The following CSMD1 variants were observed in gnomAD, a reference collection of about 807,000 sequenced individuals.
CSMD1 encodes CUB and Sushi multiple domains 1.
Under a neutral mutation model 417.5 loss-of-function variants are expected in CSMD1, and 213 were observed. That is an observed-to-expected ratio of 0.51 (90% CI 0.46 to 0.57). The LOEUF (loss-of-function observed/expected upper bound fraction) is 0.57, where lower values mean the gene tolerates loss of function less well. CSMD1 is among the 20% of genes least tolerant of loss of function. CSMD1 has a pLI of 0.00. For synonymous variants in CSMD1, 2,862 were observed against 1,736.8 expected (o/e 1.65, Z -16.11); for missense variants, 6,923 against 4,529.7 (o/e 1.53, Z -15.17).
chr8:3,898,431 G>A (rs1187419534), intron 5 of CSMD1, among the ~76,000 whole-genome samples: 1 of 152,308 alleles, frequency 6.6e-6, no homozygotes, highest in Non-Finnish European at 1.5e-5. Flanking sequence ...TAAAGTTTGT[G>A]TGACATGTCA....
At chr8:3,547,518 T>A (rs10094555) in intron 10 of CSMD1, among the ~76,000 whole-genome samples, 68,625 of 151,986 alleles carry the variant, frequency 0.45, 15,812 homozygotes, top group East Asian at 0.53. Flanking sequence ...TGATCACGTC[T>A]CTCAAATAAG....
chr8:3,631,759 C>G (rs1796794784), intron 7 of CSMD1, among the ~76,000 whole-genome samples: 1 of 152,196 alleles, frequency 6.6e-6, no homozygotes, highest in South Asian at 2.1e-4. Flanking sequence ...ATAAAGCGCT[C>G]TCAAAGGATT....
Position 3,331,237 on chromosome 8 carries a change from C to CAAAAAAAAAAAA in CSMD1, c.3631+12045_3631+12056dup, listed in dbSNP as rs112278319. Among the ~76,000 whole-genome samples the CAAAAAAAAAAAA allele has an allele frequency of 1.7e-4, 22 of 128,514 alleles. 1 individual carries two copies. The highest frequency in any genetic ancestry group is 6.4e-4 in the African/African-American group (20 of 31,362). 84.3% of individuals were successfully genotyped at this position (128,514 alleles called of 152,430 possible). On this transcript the variant is annotated intron_variant, in intron 23 of 69. Coordinates refer to ENST00000635120, the MANE Select transcript of CSMD1 (RefSeq NM_033225.6). ...TGGCCGACAGAACGAGACTCCGTCT[C>CAAAAAAAAAAAA]AAAAAAAAAAAAAAAGAAAAGCAAC...
rs190118515 is a variant in CSMD1, at chr8:3,526,283, A to C, written c.1345-32557T>G. Among the ~76,000 whole-genome samples, 198 of 152,244 alleles carry C rather than the reference A, an allele frequency of 1.3e-3. 1 individual carries two copies. Among genetic ancestry groups the C allele is most frequent in the Non-Finnish European group, 2.5e-3 (169 of 68,032 alleles). On this transcript the variant is annotated intron_variant, in intron 10 of 69. Transcript: ENST00000635120. ...AAATATAAAGCTACCAAAAGAAAAG[A>C]AAAGCAAATAGATATAGGCAATGTT...
chr8:4,588,976 T>G (rs984244028), intron 2 of CSMD1, among the ~76,000 whole-genome samples: 1 of 152,136 alleles, frequency 6.6e-6, no homozygotes, highest in African/African-American at 2.4e-5. Context: ...TACAATATAC[T>G]ATATATAATA....
Position 3,933,114 on chromosome 8 carries a change from G to T in CSMD1, c.818+64789C>A, listed in dbSNP as rs894247196. ...CATTATTTTCCTCTTTATATATCTGGTTTATATATTTTGATTTTTACCAAT... is the reference window on the plus strand; with the variant it reads ...CATTATTTTCCTCTTTATATATCTGTTTTATATATTTTGATTTTTACCAAT... On this transcript the variant is annotated intron_variant, in intron 5 of 69. Transcript: ENST00000635120. 2.3e-4 allele frequency among the ~76,000 whole-genome samples: 32 copies of T among 139,852 alleles called. 2 individuals carry two copies. Among genetic ancestry groups the T allele is most frequent in the African/African-American group, 8.5e-4 (32 of 37,528 alleles). 91.7% of individuals were successfully genotyped at this position (139,852 alleles called of 152,430 possible). A position where few individuals can be genotyped will look rare whatever the true frequency, so the allele number is the denominator to read the frequency against.
chr8:2,968,365 T>C (rs1804152328), intron 57 of CSMD1, among the ~76,000 whole-genome samples: 1 of 152,236 alleles, frequency 6.6e-6, no homozygotes, highest in Non-Finnish European at 1.5e-5. Flanking sequence ...ACATTTGCTA[T>C]TCAATTGTAT....
chr8:4,705,325 A>C (rs996393759), intron 1 of CSMD1, among the ~76,000 whole-genome samples: 1 of 152,154 alleles, frequency 6.6e-6, no homozygotes, highest in African/African-American at 2.4e-5. Context: ...TCTATGTTCT[A>C]GAGACTCCAT....
intron 7 of CSMD1, 104 bp from the exon 8 acceptor site, chr8:3,616,901 TA>T: frequency 1.5e-6 from 1 of 684,624 alleles, no homozygotes. Flanking sequence ...GATAATGACT[TA>T]AAATGTGATC....
chr8:3,093,576 G>A (rs1228200866), intron 47 of CSMD1, among the ~76,000 whole-genome samples: 2 of 152,092 alleles, frequency 1.3e-5, no homozygotes, highest in African/African-American at 4.8e-5. Context: ...GCTGAGGCAG[G>A]AAAATTGCTT....
intron 54 of CSMD1, among the ~76,000 whole-genome samples, chr8:2,988,303 G>C (rs542539042): frequency 2.6e-5 from 4 of 151,776 alleles, no homozygotes; most frequent in Admixed American, 1.3e-4. Flanking sequence ...AGCATATCTG[G>C]ACACATGTTT....
chr8:3,406,296 C>A (rs1268190382), intron 14 of CSMD1, 75 bp from the exon 15 acceptor site: 2 of 1,234,352 alleles, frequency 1.6e-6, no homozygotes, highest in East Asian at 5.1e-5. Flanking sequence ...AAGAAGAAAA[C>A]AGAACAAGCT....
chr8:4,293,670 A>G (rs1283534939), intron 3 of CSMD1, among the ~76,000 whole-genome samples: 2 of 152,190 alleles, frequency 1.3e-5, no homozygotes, highest in Non-Finnish European at 2.9e-5. Flanking sequence ...ACCAATAAAT[A>G]ATAACAATCA....
At chr8:4,176,065 T>C (rs1341583643) in intron 3 of CSMD1, among the ~76,000 whole-genome samples, 2 of 152,060 alleles carry the variant, frequency 1.3e-5, no homozygotes, top group Admixed American at 6.5e-5. Context: ...AAGTGTGACT[T>C]AGATGTGGAA....
chr8:3,046,060 G>A (rs1811413514), intron 50 of CSMD1, among the ~76,000 whole-genome samples: 1 of 152,154 alleles, frequency 6.6e-6, no homozygotes, highest in South Asian at 2.1e-4. Flanking sequence ...TACTTTTGGA[G>A]AAAGGAGCTC....
chr8:2,950,453 G>T, intron 66 of CSMD1, 110 bp from the exon 67 acceptor site: 1 of 683,088 alleles, frequency 1.5e-6, no homozygotes, highest in Non-Finnish European at 2.6e-6. Context: ...ATCGATAATA[G>T]AAAACTCAAA....
chr8:4,482,158 T>A (rs1313952264), intron 2 of CSMD1, among the ~76,000 whole-genome samples: 2 of 152,150 alleles, frequency 1.3e-5, no homozygotes, highest in East Asian at 1.9e-4. Flanking sequence ...TAAACTTGTG[T>A]CATGGGGGTT....
intron 52 of CSMD1, among the ~76,000 whole-genome samples, chr8:3,000,972 T>C (rs944856435): frequency 1.8e-4 from 27 of 148,714 alleles, no homozygotes; most frequent in Non-Finnish European, 1.5e-5. Flanking sequence ...TTCCACTCAC[T>C]CCCACCATTT....
intron 5 of CSMD1, among the ~76,000 whole-genome samples, chr8:3,964,254 C>T (rs1429901158): frequency 1.3e-5 from 2 of 152,002 alleles, no homozygotes; most frequent in African/African-American, 4.8e-5. Context: ...TGTGGCTATC[C>T]CTCCTTTGGG....
Sources: gnomAD v4.1 joint callset for allele counts (sites outside exome capture counted in the v4.1 genomes callset) on GRCh38, gnomAD v4.1.1 for gene constraint, MANE v1.5 for transcripts, NCBI Gene and HGNC (gene_info 2026-07-23, HGNC 2026-07-21) for gene names.